DNAH8: variants seen among roughly 807,000 people sequenced by gnomAD.
The protein encoded by DNAH8 is axonemal beta dynein heavy chain 8.
In DNAH8, 382 loss-of-function variants were observed where a neutral mutation model predicts 562.1. The ratio of observed to expected loss-of-function variants is 0.68; its 90% CI spans 0.63 to 0.74. DNAH8 has a LOEUF of 0.74. Among genes scored for constraint, DNAH8 ranks in the 30% least tolerant of loss-of-function variants. The pLI is 0.00. For missense variants in DNAH8, 5,203 were observed against 5,620.4 expected (o/e 0.93, Z 2.37); for synonymous variants, 1,881 against 1,919.4 (o/e 0.98, Z 0.52).
chr6:38,999,399 T>G, intron 88 of DNAH8, among the ~76,000 whole-genome samples: 1 of 146,914 alleles, frequency 6.8e-6, no homozygotes, highest in Non-Finnish European at 1.5e-5. Context: ...ATATGGGGGC[T>G]GTTTTTTTTT....
At chr6:38,728,179 G>A (rs1315967972) in intron 3 of DNAH8, among the ~76,000 whole-genome samples, 1 of 152,080 alleles carries the variant, frequency 6.6e-6, no homozygotes, top group Middle Eastern at 3.4e-3. Context: ...TGTTTCTCAG[G>A]CTGGTCTTGA....
At chr6:38,718,821 G>T (rs1332336441) in intron 1 of DNAH8, among the ~76,000 whole-genome samples, 1 of 152,082 alleles carries the variant, frequency 6.6e-6, no homozygotes, top group Non-Finnish European at 1.5e-5. Context: ...GTGGTCTTTT[G>T]GAAGAATGAA....
intron 18 of DNAH8, among the ~76,000 whole-genome samples, chr6:38,787,849 C>A (rs371297083): frequency 1.1e-4 from 17 of 152,212 alleles, no homozygotes; most frequent in African/African-American, 4.1e-4. Flanking sequence ...TTTAGAAAGC[C>A]AGTTAAAACA....
intron 70 of DNAH8, among the ~76,000 whole-genome samples, chr6:38,920,606 A>G (rs1159501945): frequency 1.3e-5 from 2 of 152,210 alleles, no homozygotes; most frequent in Non-Finnish European, 2.9e-5. Context: ...TTATCACAAC[A>G]TTATTTGTAA....
At chr6:38,896,331 T>C (rs1394352352) in intron 60 of DNAH8, 106 bp downstream of exon 60, 5 of 924,058 alleles carry the variant, frequency 5.4e-6, no homozygotes, top group Non-Finnish European at 8.1e-6. Context: ...TCCAGCACTT[T>C]GGGAGGCTGA....
intron 21 of DNAH8, among the ~76,000 whole-genome samples, chr6:38,798,803 A>C (rs541855929): frequency 6.6e-5 from 10 of 152,308 alleles, no homozygotes; most frequent in Admixed American, 5.9e-4. Flanking sequence ...GTATCAGTGA[A>C]GATCCCAGCA....
At chr6:38,990,660 C>G (rs2081116373) in intron 88 of DNAH8, among the ~76,000 whole-genome samples, 1 of 152,224 alleles carries the variant, frequency 6.6e-6, no homozygotes, top group Admixed American at 6.5e-5. Context: ...TTGTCATGCA[C>G]TGCCTGTGGT....
At chr6:39,023,703 G>C (rs1767082308) in intron 91 of DNAH8, among the ~76,000 whole-genome samples, 1 of 152,126 alleles carries the variant, frequency 6.6e-6, no homozygotes, top group Non-Finnish European at 1.5e-5. Flanking sequence ...ACAGTTCATT[G>C]GATTTGCTAC....
At chr6:38,758,663 G>A (rs1766169908) in intron 10 of DNAH8, among the ~76,000 whole-genome samples, 1 of 151,764 alleles carries the variant, frequency 6.6e-6, no homozygotes, top group Non-Finnish European at 1.5e-5. Context: ...TTGGCTGTGG[G>A]TTTGTCATAA....
intron 17 of DNAH8, among the ~76,000 whole-genome samples, chr6:38,783,854 G>T (rs1486367838): frequency 6.6e-6 from 1 of 152,138 alleles, no homozygotes; most frequent in Non-Finnish European, 1.5e-5. Flanking sequence ...ACCCCTTACT[G>T]GGTCCCTTGG....
At chr6:38,943,483 G>GTT (rs58893645) in intron 79 of DNAH8, among the ~76,000 whole-genome samples, 5 of 151,912 alleles carry the variant, frequency 3.3e-5, no homozygotes, top group South Asian at 2.1e-4. Context: ...AGAGTGACAG[G>GTT]TTTTTTTTGT....
intron 91 of DNAH8, 52 bp downstream of exon 91, chr6:39,012,689 A>G (rs779756248): frequency 2.9e-6 from 4 of 1,383,254 alleles, no homozygotes; most frequent in Non-Finnish European, 4.1e-6. Context: ...ATTGTTGGAT[A>G]GTAGCATCGT....
At chr6:38,760,455 T>C (rs1004279230) in intron 10 of DNAH8, among the ~76,000 whole-genome samples, 2 of 121,762 alleles carry the variant, frequency 1.6e-5, no homozygotes, top group African/African-American at 5.3e-5. Context: ...TTCTAAAATC[T>C]CAAACTTTTT....
At chr6:38,748,425 T>G (rs1765141233) in intron 8 of DNAH8, among the ~76,000 whole-genome samples, 1 of 152,120 alleles carries the variant, frequency 6.6e-6, no homozygotes, top group Non-Finnish European at 1.5e-5. Context: ...CCAACCTCTT[T>G]GTTGGATGGG....
At chr6:38,850,887 C>T (rs1476428743) in intron 38 of DNAH8, among the ~76,000 whole-genome samples, 3 of 152,202 alleles carry the variant, frequency 2.0e-5, no homozygotes, top group Middle Eastern at 6.8e-3. Context: ...GGATTCAGGG[C>T]TCTTCAAGAT....
intron 70 of DNAH8, among the ~76,000 whole-genome samples, chr6:38,919,165 G>A (rs1473758579): frequency 6.6e-6 from 1 of 151,974 alleles, no homozygotes; most frequent in Non-Finnish European, 1.5e-5. Context: ...CCATAGTGAA[G>A]ACAATTAAAA....
At chr6:38,939,955 T>G (rs1463459227) in intron 79 of DNAH8, among the ~76,000 whole-genome samples, 1 of 152,064 alleles carries the variant, frequency 6.6e-6, no homozygotes, top group African/African-American at 2.4e-5. Flanking sequence ...TCAGTCTGGT[T>G]TTGTTGAAAT....
intron 4 of DNAH8, among the ~76,000 whole-genome samples, chr6:38,733,082 A>G (rs1010612629): frequency 2.0e-5 from 3 of 152,054 alleles, no homozygotes; most frequent in African/African-American, 7.2e-5. Context: ...TGTATTGACA[A>G]GGTCTTACTG....
chr6:38,978,211 GC>G (rs1763800296), intron 85 of DNAH8, among the ~76,000 whole-genome samples: 1 of 152,060 alleles, frequency 6.6e-6, no homozygotes, highest in African/African-American at 2.4e-5. Context: ...ATCTCTAAGG[GC>G]CTATAGTGGC....
Sources: gnomAD v4.1 joint callset for allele counts (sites outside exome capture counted in the v4.1 genomes callset) on GRCh38, gnomAD v4.1.1 for gene constraint, MANE v1.5 for transcripts, NCBI Gene and HGNC (gene_info 2026-07-23, HGNC 2026-07-21) for gene names.